The following CSMD1 variants were observed in gnomAD, a reference collection of about 807,000 sequenced individuals.
The protein encoded by CSMD1 is CUB and sushi domain-containing protein 1.
In CSMD1, 213 loss-of-function variants were observed where a neutral mutation model predicts 417.5. The ratio of observed to expected loss-of-function variants is 0.51; its 90% CI spans 0.46 to 0.57. The LOEUF (loss-of-function observed/expected upper bound fraction) is 0.57. CSMD1 is among the 20% of genes least tolerant of loss of function. The probability of loss-of-function intolerance (pLI) is 0.00; values close to 1 mark genes in which losing one functional copy is unlikely to be tolerated. For synonymous variants in CSMD1, 2,862 were observed against 1,736.8 expected, an observed-to-expected ratio of 1.65 and a Z score of -16.11; for missense variants, 6,923 against 4,529.7, an observed-to-expected ratio of 1.53 and a Z score of -15.17.
At chr8:3,450,383 C>T (rs1161828995) in intron 12 of CSMD1, among the ~76,000 whole-genome samples, 1 of 151,894 alleles carries the variant, frequency 6.6e-6, no homozygotes. Context: ...CATATGTATA[C>T]ATGTGCCATG....
intron 1 of CSMD1, among the ~76,000 whole-genome samples, chr8:4,719,484 T>C (rs923408657): frequency 3.3e-5 from 5 of 152,094 alleles, no homozygotes; most frequent in Non-Finnish European, 7.4e-5. Flanking sequence ...TCTCATTTTC[T>C]TCAAGCGCAT....
intron 7 of CSMD1, among the ~76,000 whole-genome samples, chr8:3,692,986 A>G (rs1441646139): frequency 6.6e-6 from 1 of 152,196 alleles, no homozygotes. Flanking sequence ...TGACTTCTTT[A>G]TCATCAAAAG....
intron 44 of CSMD1, 25 bp from the exon 45 acceptor site, chr8:3,107,823 T>C: frequency 1.4e-6 from 2 of 1,449,290 alleles, no homozygotes; most frequent in Non-Finnish European, 1.9e-6. Flanking sequence ...GAAAGAATAA[T>C]AATAATTGCA....
At chr8:4,864,170 C>T (rs921836638) in intron 1 of CSMD1, among the ~76,000 whole-genome samples, 3 of 151,704 alleles carry the variant, frequency 2.0e-5, no homozygotes, top group East Asian at 1.9e-4. Context: ...TTTCCCGACA[C>T]CTCAAATAAT....
In CSMD1 at chr8:3,790,128, G is replaced by T. The variant is rs933538780; in HGVS notation, c.819-36086C>A. On this transcript the variant is annotated intron_variant, in intron 5 of 69. Transcript: ENST00000635120. ...GTGTTAGCTGCTTATAGTTATTTTC[G>T]AATTTAAATTGCCTTGGCTCACATG... Among the ~76,000 whole-genome samples, 4 of 152,238 alleles carry T rather than the reference G, an allele frequency of 2.6e-5. No homozygotes were observed. The South Asian group carries it at 6.2e-4, about 24-fold the overall frequency.
chr8:4,584,607 G>A (rs981145634), intron 2 of CSMD1, among the ~76,000 whole-genome samples: 7 of 152,092 alleles, frequency 4.6e-5, no homozygotes, highest in African/African-American at 1.7e-4. Flanking sequence ...CTACAGAGAG[G>A]AAAGCCATGC....
At chr8:4,276,304 A>G (rs188883303) in intron 3 of CSMD1, among the ~76,000 whole-genome samples, 3 of 152,318 alleles carry the variant, frequency 2.0e-5, no homozygotes, top group African/African-American at 7.2e-5. Flanking sequence ...ATAAAAAAGG[A>G]TCAGTTAATG....
At chr8:4,255,482 A>G (rs1165144912) in intron 3 of CSMD1, among the ~76,000 whole-genome samples, 3 of 152,232 alleles carry the variant, frequency 2.0e-5, no homozygotes, top group Non-Finnish European at 4.4e-5. Flanking sequence ...CTTGTTCATT[A>G]TAGATCTCAT....
At position 3,110,348 on chromosome 8, in the gene CSMD1, C is replaced by A; in HGVS notation, c.6431-13G>T. On this transcript the variant is annotated splice_polypyrimidine_tract_variant and intron_variant, in intron 42 of 69. Coordinates refer to ENST00000635120, the MANE Select transcript of CSMD1 (RefSeq NM_033225.6). ...TACCCACAAGGGGCTGCAAAGGAAA[C>A]CAAGAAAAAACAAGCGCCATACAGC... The A allele has an allele frequency of 2.5e-6, 4 of 1,582,780 alleles. No homozygotes were observed. Among genetic ancestry groups the A allele is most frequent in the Non-Finnish European group, 2.6e-6 (3 of 1,165,320 alleles).
At chr8:3,601,093 G>C (rs913410556) in intron 8 of CSMD1, among the ~76,000 whole-genome samples, 4 of 152,160 alleles carry the variant, frequency 2.6e-5, no homozygotes, top group South Asian at 2.1e-4. Flanking sequence ...ATACATGCTA[G>C]AAACCTCCAT....
chr8:4,140,651 G>C, intron 3 of CSMD1, among the ~76,000 whole-genome samples: 1 of 150,914 alleles, frequency 6.6e-6, no homozygotes, highest in Non-Finnish European at 1.5e-5. Context: ...CTGGGCAACA[G>C]AGCAAGACCC....
chr8:4,828,322 T>C (rs1023490859), intron 1 of CSMD1, among the ~76,000 whole-genome samples: 1 of 152,192 alleles, frequency 6.6e-6, no homozygotes, highest in Non-Finnish European at 1.5e-5. Flanking sequence ...ACTTTTCTTA[T>C]AGCCACAAGA....
At chr8:3,630,246 A>G (rs11775463) in intron 7 of CSMD1, among the ~76,000 whole-genome samples, 100,025 of 152,060 alleles carry the variant, frequency 0.66, 33,161 homozygotes, top group Middle Eastern at 0.82. Flanking sequence ...GATTTTGGAT[A>G]GGGTCACAGT....
chr8:3,722,738 G>C (rs1563310962), intron 6 of CSMD1, among the ~76,000 whole-genome samples: 1 of 152,284 alleles, frequency 6.6e-6, no homozygotes, highest in East Asian at 1.9e-4. Context: ...TTGTCGTTAG[G>C]TTTTCTAATA....
At chr8:3,029,710 T>G (rs149308710) in intron 50 of CSMD1, among the ~76,000 whole-genome samples, 197 bp from the exon 51 acceptor site, 24 of 150,312 alleles carry the variant, frequency 1.6e-4, no homozygotes, top group Admixed American at 4.7e-4. Flanking sequence ...ATGCATTCAA[T>G]TGCCTCACTA....
rs1433061135 is a variant in CSMD1 at position 2,961,226 on chromosome 8, G to C, written c.9629-12C>G. The C allele has an allele frequency of 1.3e-6, 2 of 1,564,602 alleles. No individual in the cohort carries two copies. Among genetic ancestry groups the C allele is most frequent in the Admixed American group, 3.4e-5 (2 of 58,208 alleles). ...GTTATGAGCAGGATCTGAAATTTGT[G>C]ATTTAAAAAGAAAAGAGGGCACCAG... On this transcript the variant is annotated splice_polypyrimidine_tract_variant and intron_variant, in intron 61 of 69. Transcript: ENST00000635120.
intron 50 of CSMD1, among the ~76,000 whole-genome samples, chr8:3,046,876 T>C (rs1359983822): frequency 1.3e-5 from 2 of 152,212 alleles, no homozygotes; most frequent in African/African-American, 4.8e-5. Flanking sequence ...AGGATTGCTA[T>C]TCTAATTGAA....
intron 3 of CSMD1, among the ~76,000 whole-genome samples, chr8:4,172,528 T>A (rs1365478482): frequency 6.6e-6 from 1 of 152,082 alleles, no homozygotes; most frequent in African/African-American, 2.4e-5. Context: ...TCTCTAACTA[T>A]TTCTGCTTTG....
intron 1 of CSMD1, among the ~76,000 whole-genome samples, chr8:4,774,977 C>T (rs1466309): frequency 0.9 from 136,658 of 152,158 alleles, 62,267 homozygotes; most frequent in East Asian, 0.97. Context: ...CTTTTGTTTA[C>T]AAATTACCCA....
Sources: gnomAD v4.1 joint callset for allele counts (sites outside exome capture counted in the v4.1 genomes callset) on GRCh38, gnomAD v4.1.1 for gene constraint, MANE v1.5 for transcripts, NCBI Gene and HGNC (gene_info 2026-07-23, HGNC 2026-07-21) for gene names.